PAK1: variants seen among roughly 807,000 people sequenced by gnomAD.
The protein encoded by PAK1 is serine/threonine-protein kinase PAK 1.
In PAK1, 29 loss-of-function variants were observed where a neutral mutation model predicts 67.4. The ratio of observed to expected loss-of-function variants is 0.43; its 90% confidence interval spans 0.32 to 0.59. The LOEUF is 0.59. Among genes scored for constraint, PAK1 ranks in the 20% least tolerant of loss-of-function variants. PAK1 has a pLI of 0.07. For missense variants in PAK1, 337 were observed against 670.7 expected, an observed-to-expected ratio of 0.50 and a Z score of 5.50; for synonymous variants, 223 against 237.4, an observed-to-expected ratio of 0.94 and a Z score of 0.56.
chr11:77,521,338 T>A, the PAK1 span, among the ~76,000 whole-genome samples: 1 of 152,144 alleles, frequency 6.6e-6, no homozygotes, highest in African/African-American at 2.4e-5. Context: ...GAGACCAGCC[T>A]GACCAACATG....
At chr11:77,477,954 A>C (rs1268057237), upstream of PAK1, among the ~76,000 whole-genome samples, 1 of 152,140 alleles carries the variant, frequency 6.6e-6, no homozygotes, top group African/African-American at 2.4e-5. Flanking sequence ...TTATTTACCC[A>C]ATTTTTCCAG....
intron 5 of PAK1, among the ~76,000 whole-genome samples, chr11:77,360,376 T>C (rs1411315567): frequency 1.3e-5 from 2 of 152,198 alleles, no homozygotes; most frequent in South Asian, 2.1e-4. Context: ...AGGAGTGTTA[T>C]AATTTGAAAG....
At chr11:77,526,262 C>G in the PAK1 span, among the ~76,000 whole-genome samples, 1 of 152,110 alleles carries the variant, frequency 6.6e-6, no homozygotes, top group Admixed American at 6.6e-5. Flanking sequence ...AGTAATGCAA[C>G]TTAGAAATGT....
the PAK1 span, among the ~76,000 whole-genome samples, chr11:77,491,690 C>T: frequency 2.0e-5 from 3 of 151,672 alleles, no homozygotes; most frequent in South Asian, 6.2e-4. Flanking sequence ...ACAACAGATA[C>T]ACAAAAAATA....
intron 8 of PAK1, 179 bp from the exon 9 acceptor site, chr11:77,349,466 T>C (rs965013561): frequency 4.9e-6 from 3 of 611,372 alleles, no homozygotes; most frequent in East Asian, 2.8e-5. Context: ...GTACAGAGAA[T>C]GTAGGCTCTA....
chr11:77,496,918 C>T, the PAK1 span, among the ~76,000 whole-genome samples: 2 of 152,034 alleles, frequency 1.3e-5, no homozygotes, highest in African/African-American at 2.4e-5. Context: ...GGGCAACAGA[C>T]TATGTCTCCA....
intron 1 of PAK1, among the ~76,000 whole-genome samples, chr11:77,448,679 A>G (rs987754432): frequency 1.3e-5 from 2 of 152,220 alleles, no homozygotes; most frequent in African/African-American, 4.8e-5. Context: ...ATGAGAAAGA[A>G]TGTTTGGCTT....
chr11:77,479,854 C>A, the PAK1 span, among the ~76,000 whole-genome samples: 1 of 151,922 alleles, frequency 6.6e-6, no homozygotes, highest in African/African-American at 2.4e-5. Context: ...ATGATCCACC[C>A]ACCTCAGCCT....
chr11:77,480,907 G>A, the PAK1 span, among the ~76,000 whole-genome samples: 1 of 152,192 alleles, frequency 6.6e-6, no homozygotes, highest in East Asian at 1.9e-4. Context: ...CATCTCATTT[G>A]TTTGTTGCTG....
At chr11:77,415,906 C>A (rs1319899014) in intron 1 of PAK1, among the ~76,000 whole-genome samples, 1 of 151,868 alleles carries the variant, frequency 6.6e-6, no homozygotes. Context: ...TGGCTTAAGA[C>A]ACAAGCACAT....
chr11:77,358,683 G>A (rs1445040913), intron 6 of PAK1, among the ~76,000 whole-genome samples: 1 of 151,994 alleles, frequency 6.6e-6, no homozygotes, highest in African/African-American at 2.4e-5. Flanking sequence ...AGGACACTTT[G>A]GGACTATCTG....
intron 2 of PAK1, among the ~76,000 whole-genome samples, chr11:77,386,273 A>G (rs1387178391): frequency 6.6e-6 from 1 of 152,218 alleles, no homozygotes; most frequent in Non-Finnish European, 1.5e-5. Flanking sequence ...AGCTAATCTG[A>G]GCTCAAGGCA....
Position 77,372,414 on chromosome 11 carries a change from A to T in PAK1, c.477+1914T>A, listed in dbSNP as rs148263582. 2.6e-5 allele frequency among the ~76,000 whole-genome samples: 4 copies of T among 152,278 alleles called. No individual in the cohort carries two copies. In the East Asian group the frequency reaches 7.7e-4, roughly 29 times the overall value. On this transcript the variant is annotated intron_variant, in intron 5 of 14. Coordinates refer to ENST00000356341, the MANE Select transcript of PAK1 (RefSeq NM_002576.5). Reference sequence around the variant, plus strand: ...ACAAGGATAATAACTTACCTCAGTAAGCTCCTGTGAGGATTCAGAGAGTCA... The same window carrying T: ...ACAAGGATAATAACTTACCTCAGTATGCTCCTGTGAGGATTCAGAGAGTCA...
chr11:77,388,902 T>C (rs994649350), intron 2 of PAK1, among the ~76,000 whole-genome samples: 2 of 152,206 alleles, frequency 1.3e-5, no homozygotes, highest in African/African-American at 2.4e-5. Context: ...GGAATCTTCT[T>C]TTTTAAAAAT....
At chr11:77,502,231 TCAA>T in the PAK1 span, among the ~76,000 whole-genome samples, 1 of 152,178 alleles carries the variant, frequency 6.6e-6, no homozygotes, top group South Asian at 2.1e-4. Flanking sequence ...CAGTTTTTGA[TCAA>T]CAAATATTTA....
rs116197325 is a variant in PAK1 at position 77,454,555 on chromosome 11, C to G, written c.-22+18997G>C. Among the ~76,000 whole-genome samples, 570 of 152,164 alleles carry G rather than the reference C, an allele frequency of 3.7e-3. 6 individuals carry two copies. The highest frequency in any genetic ancestry group is 0.013 in the African/African-American group (531 of 41,492). ...TATCAGGTATTCATCCCTCATCAAA[C>G]AGTTTCTAAGGCAGTTCTCAAATTT... On this transcript the variant is annotated intron_variant, in intron 1 of 14. Transcript: ENST00000356341.
At chr11:77,437,011 T>A (rs1441627133) in intron 1 of PAK1, among the ~76,000 whole-genome samples, 1 of 152,172 alleles carries the variant, frequency 6.6e-6, no homozygotes, top group East Asian at 1.9e-4. Flanking sequence ...ATACTACCTA[T>A]TTCACAGTAC....
the PAK1 span, among the ~76,000 whole-genome samples, chr11:77,480,634 C>T: frequency 6.6e-6 from 1 of 151,342 alleles, no homozygotes; most frequent in Admixed American, 6.6e-5. Context: ...AGTGGTTCTG[C>T]TGCCGCAGCC....
intron 7 of PAK1, among the ~76,000 whole-genome samples, 153 bp downstream of exon 7, chr11:77,355,515 G>A (rs1945897173): frequency 6.6e-6 from 1 of 152,172 alleles, no homozygotes; most frequent in Non-Finnish European, 1.5e-5. Context: ...AGACAGGGAA[G>A]GGAGGTTCAG....
Sources: allele counts gnomAD v4.1 joint callset (sites outside exome capture counted in the v4.1 genomes callset), GRCh38; gene constraint gnomAD v4.1.1; transcripts MANE v1.5; gene names NCBI Gene and HGNC (gene_info 2026-07-23, HGNC 2026-07-21).